Variants in SPMIP2 observed in about 807,000 individuals in gnomAD.
The protein encoded by SPMIP2 is sperm microtubule inner protein 2.
At chr4:158,946,240 G>A in the SPMIP2 span, among the ~76,000 whole-genome samples, 3 of 152,206 alleles carry the variant, frequency 2.0e-5, no homozygotes, top group African/African-American at 7.2e-5. Flanking sequence ...AAAAATCACA[G>A]TACAGTCTCT....
chr4:159,017,133 C>T, the SPMIP2 span, among the ~76,000 whole-genome samples: 2 of 152,114 alleles, frequency 1.3e-5, no homozygotes, highest in Admixed American at 6.6e-5. Context: ...GGAAAAAGGA[C>T]TCCTTCCCTT....
chr4:159,039,460 T>C, the SPMIP2 span, among the ~76,000 whole-genome samples: 1 of 152,146 alleles, frequency 6.6e-6, no homozygotes, highest in Admixed American at 6.5e-5. Flanking sequence ...CCCAGTTTTC[T>C]AGTTTGGCTG....
chr4:158,901,256 C>T, the SPMIP2 span, among the ~76,000 whole-genome samples: 5 of 151,436 alleles, frequency 3.3e-5, no homozygotes, highest in Non-Finnish European at 5.9e-5. Context: ...CCTCAGCGTC[C>T]AGAGTAGCTG....
At chr4:158,915,293 C>G in the SPMIP2 span, 3 of 1,613,636 alleles carry the variant, frequency 1.9e-6, no homozygotes, top group Non-Finnish European at 2.5e-6. Context: ...CGAAAGCACT[C>G]ATATGCCAGG....
the SPMIP2 span, among the ~76,000 whole-genome samples, chr4:158,953,738 A>G: frequency 6.6e-6 from 1 of 152,356 alleles, no homozygotes; most frequent in South Asian, 2.1e-4. Flanking sequence ...ACCCAAGACC[A>G]TGGGAACCTA....
At chr4:158,942,979 G>A in the SPMIP2 span, among the ~76,000 whole-genome samples, 1 of 152,006 alleles carries the variant, frequency 6.6e-6, no homozygotes, top group African/African-American at 2.4e-5. Context: ...ATAGTTTGAT[G>A]GAATAAAAAA....
the SPMIP2 span, among the ~76,000 whole-genome samples, chr4:158,986,481 C>T: frequency 0.029 from 4,391 of 151,234 alleles, 201 homozygotes; most frequent in African/African-American, 0.097. Flanking sequence ...AATAACACCG[C>T]ATATCTACAG....
At chr4:159,068,997 T>A in the SPMIP2 span, among the ~76,000 whole-genome samples, 1 of 152,138 alleles carries the variant, frequency 6.6e-6, no homozygotes, top group Non-Finnish European at 1.5e-5. Flanking sequence ...CTCCTAGAAT[T>A]TCTTTTCTTC....
the SPMIP2 span, among the ~76,000 whole-genome samples, chr4:159,035,451 T>C: frequency 7.2e-5 from 11 of 152,178 alleles, no homozygotes; most frequent in African/African-American, 2.7e-4. Context: ...ACCACTGTCT[T>C]TCAACATTTC....
chr4:158,915,348 G>A, the SPMIP2 span: 1 of 1,609,728 alleles, frequency 6.2e-7, no homozygotes, highest in African/African-American at 1.3e-5. Context: ...CAGGACATGA[G>A]GTTTTGGTTG....
chr4:158,903,172 A>G, the SPMIP2 span, among the ~76,000 whole-genome samples: 1 of 152,204 alleles, frequency 6.6e-6, no homozygotes, highest in Non-Finnish European at 1.5e-5. Flanking sequence ...GGAAAAGTGC[A>G]GTATCCAGAC....
At chr4:158,944,903 C>G in the SPMIP2 span, among the ~76,000 whole-genome samples, 1 of 152,216 alleles carries the variant, frequency 6.6e-6, no homozygotes, top group Non-Finnish European at 1.5e-5. Flanking sequence ...GCCCTGCTCA[C>G]ATCTATCTTC....
chr4:158,910,058 A>T, the SPMIP2 span, among the ~76,000 whole-genome samples: 14 of 151,510 alleles, frequency 9.2e-5, no homozygotes, highest in African/African-American at 2.9e-4. Flanking sequence ...ACAAAAAAAA[A>T]TTTGTAGAGA....
the SPMIP2 span, among the ~76,000 whole-genome samples, chr4:159,010,694 A>T: frequency 2.0e-5 from 3 of 152,200 alleles, no homozygotes; most frequent in African/African-American, 7.2e-5. Flanking sequence ...TGTTTCTGGA[A>T]CACAGCTCTC....
At chr4:158,997,923 C>T in the SPMIP2 span, among the ~76,000 whole-genome samples, 1 of 152,166 alleles carries the variant, frequency 6.6e-6, no homozygotes, top group Non-Finnish European at 1.5e-5. Context: ...TCCCAAAGTG[C>T]TGGGATTACT....
At chr4:159,011,366 T>C in the SPMIP2 span, among the ~76,000 whole-genome samples, 1 of 152,306 alleles carries the variant, frequency 6.6e-6, no homozygotes, top group East Asian at 1.9e-4. Context: ...TGGGATTAAT[T>C]GAAGTATTTA....
At chr4:158,933,829 C>T in the SPMIP2 span, among the ~76,000 whole-genome samples, 9 of 152,104 alleles carry the variant, frequency 5.9e-5, no homozygotes, top group Non-Finnish European at 1.2e-4. Context: ...CACCTCCAGG[C>T]CAGGGAATAG....
chr4:159,078,499 A>G, the SPMIP2 span, among the ~76,000 whole-genome samples: 1 of 152,320 alleles, frequency 6.6e-6, no homozygotes, highest in South Asian at 2.1e-4. Context: ...TCCTCTACTC[A>G]AATGCCAATA....
chr4:158,957,882 T>C, the SPMIP2 span, among the ~76,000 whole-genome samples: 2 of 152,384 alleles, frequency 1.3e-5, no homozygotes, highest in South Asian at 4.1e-4. Flanking sequence ...TGGATTCGGG[T>C]CAGATGTTAA....
Sources: allele counts gnomAD v4.1 joint callset (sites outside exome capture counted in the v4.1 genomes callset), GRCh38; gene constraint gnomAD v4.1.1; transcripts MANE v1.5; gene names NCBI Gene and HGNC (gene_info 2026-07-23, HGNC 2026-07-21).